The following STXBP3 variants were observed in gnomAD, a reference collection of about 807,000 sequenced individuals.
STXBP3 encodes syntaxin-binding protein 3.
STXBP3 carries 41 observed loss-of-function variants against 85.7 expected under a neutral mutation model. That is an observed-to-expected ratio of 0.48 (90% confidence interval 0.37 to 0.62). The LOEUF (loss-of-function observed/expected upper bound fraction) is 0.62, where lower values mean the gene tolerates loss of function less well. Among genes scored for constraint, STXBP3 ranks in the 20% least tolerant of loss-of-function variants. The pLI is 0.00. For missense variants in STXBP3, 563 were observed against 703.1 expected (o/e 0.80, Z 2.25); for synonymous variants, 229 against 231.7 (o/e 0.99, Z 0.10).
intron 8 of STXBP3, among the ~76,000 whole-genome samples, chr1:108,777,893 A>T (rs1018021530): frequency 6.6e-6 from 1 of 152,156 alleles, no homozygotes; most frequent in African/African-American, 2.4e-5. Context: ...GAAGATTCAT[A>T]GCTCATATTT....
intron 6 of STXBP3, among the ~76,000 whole-genome samples, chr1:108,763,765 A>G: frequency 6.6e-6 from 1 of 150,524 alleles, no homozygotes; most frequent in African/African-American, 2.5e-5. Context: ...TTTTTTTAGT[A>G]GAGATGGGGT....
At chr1:108,749,905 A>G (rs1420027692) in intron 1 of STXBP3, among the ~76,000 whole-genome samples, 2 of 152,192 alleles carry the variant, frequency 1.3e-5, no homozygotes, top group African/African-American at 2.4e-5. Flanking sequence ...TAAAATTAAT[A>G]TATTATATTT....
In STXBP3 at chr1:108,792,921, G is replaced by C. The variant is rs80228116; in HGVS notation, c.964-661G>C. On this transcript the variant is annotated intron_variant, in intron 11 of 18. Coordinates refer to ENST00000370008, the MANE Select transcript of STXBP3 (RefSeq NM_007269.4). ...CACTTAGGTCTCTTTACTTTGTCTA[G>C]ATCAGGAGATGCTAGTATATTCTTA... Among the ~76,000 whole-genome samples the C allele has an allele frequency of 7.5e-3, 1,141 of 152,258 alleles. 13 individuals carry two copies. Among genetic ancestry groups the C allele is most frequent in the African/African-American group, 0.026 (1,091 of 41,558 alleles).
At chr1:108,791,948 C>T (rs1285399432) in intron 11 of STXBP3, among the ~76,000 whole-genome samples, 2 of 152,174 alleles carry the variant, frequency 1.3e-5, no homozygotes, top group Non-Finnish European at 2.9e-5. Context: ...TTCATTCATG[C>T]TGCATGCAAG....
At position 108,796,265 on chromosome 1, in the gene STXBP3, A is replaced by G. The variant is rs748589173; in HGVS notation, c.1142A>G (p.Gln381Arg). 7.4e-6 allele frequency: 12 copies of G among 1,613,638 alleles called. No homozygotes were observed. The highest frequency in any genetic ancestry group is 1.0e-5 in the Non-Finnish European group (12 of 1,179,776). Residue 381 changes from glutamine to arginine, a missense_variant, in exon 14 of 19, where the codon CAG (glutamine) becomes CGG (arginine). Gln to Arg is a conservative substitution (Grantham distance 43, BLOSUM62 1). Around this residue, in one of 3 missense-constraint regions of STXBP3, gnomAD observed 494 missense variants for 592.8 expected, o/e 0.83. Coordinates refer to ENST00000370008, the MANE Select transcript of STXBP3 (RefSeq NM_007269.4). ...GCACTTGGAACTGATGCAGAAGGAC[A>G]GAAGGTGAAAGATTCCATGCGAGTA... The part of the protein sequence containing the change: ...DLALGTDAEG[Q>R]KVKDSMRVLL...
chr1:108,796,765 G>C (rs914452786), intron 15 of STXBP3, 39 bp downstream of exon 15: 1 of 1,502,106 alleles, frequency 6.7e-7, no homozygotes, highest in African/African-American at 1.4e-5. Flanking sequence ...TTATATGTAT[G>C]TGTATGTATG....
chr1:108,800,351 T>G (rs373066432), intron 17 of STXBP3, 46 bp downstream of exon 17: 47 of 1,418,802 alleles, frequency 3.3e-5, no homozygotes, highest in Non-Finnish European at 4.6e-5. Context: ...TTCTACGGAC[T>G]AATAATTTAA....
intron 8 of STXBP3, among the ~76,000 whole-genome samples, chr1:108,778,051 T>C (rs1353877351): frequency 1.3e-5 from 2 of 152,160 alleles, no homozygotes; most frequent in African/African-American, 4.8e-5. Flanking sequence ...AAACTTGTAC[T>C]GCAAGATGTG....
intron 13 of STXBP3, 31 bp downstream of exon 13, chr1:108,794,938 A>T (rs201689618): frequency 6.4e-7 from 1 of 1,557,852 alleles, no homozygotes; most frequent in Non-Finnish European, 8.7e-7. Flanking sequence ...GCCTCTGTTC[A>T]TAACAAATTT....
At chr1:108,806,189 C>G (rs2101140362) in intron 17 of STXBP3, among the ~76,000 whole-genome samples, 1 of 152,206 alleles carries the variant, frequency 6.6e-6, no homozygotes, top group Admixed American at 6.5e-5. Context: ...TTCCTATGCT[C>G]TAGAGCAGTG....
intron 17 of STXBP3, 83 bp downstream of exon 17, chr1:108,800,388 CA>C (rs1256013445): frequency 9.5e-7 from 1 of 1,048,358 alleles, no homozygotes; most frequent in Admixed American, 2.1e-5. Flanking sequence ...TCATATTTGG[CA>C]ACTTTCTTTC....
intron 6 of STXBP3, among the ~76,000 whole-genome samples, chr1:108,763,905 G>A (rs1220750825): frequency 6.6e-6 from 1 of 151,976 alleles, no homozygotes; most frequent in East Asian, 1.9e-4. Context: ...TTAACTTTTA[G>A]GTTTGGAGTA....
chr1:108,760,746 G>A (rs1313737237), intron 6 of STXBP3, among the ~76,000 whole-genome samples: 3 of 152,168 alleles, frequency 2.0e-5, no homozygotes, highest in East Asian at 1.9e-4. Flanking sequence ...GTTAAGGTTT[G>A]TTTTGCTCTG....
chr1:108,755,001 C>A (rs573768179), intron 3 of STXBP3, among the ~76,000 whole-genome samples: 3 of 152,150 alleles, frequency 2.0e-5, no homozygotes, highest in African/African-American at 7.2e-5. Flanking sequence ...TGGGCACTGG[C>A]AGGTTCAGCA....
At chr1:108,800,141 T>TG in intron 16 of STXBP3, 79 bp from the exon 17 acceptor site, 1 of 961,036 alleles carries the variant, frequency 1.0e-6, no homozygotes, top group Non-Finnish European at 1.7e-6. Flanking sequence ...CAATTGCAAA[T>TG]GCAAGTTTTG....
chr1:108,807,316 A>C (rs1199305676), intron 17 of STXBP3, 85 bp from the exon 18 acceptor site: 8 of 1,181,674 alleles, frequency 6.8e-6, no homozygotes, highest in Non-Finnish European at 9.2e-6. Context: ...AGTTTGGTTG[A>C]GTTAGGCTTT....
chr1:108,779,263 A>G, intron 8 of STXBP3, 23 bp from the exon 9 acceptor site: 1 of 1,603,250 alleles, frequency 6.2e-7, no homozygotes, highest in Non-Finnish European at 8.5e-7. Flanking sequence ...GCTGCTTAAG[A>G]TGATTTTATC....
intron 8 of STXBP3, among the ~76,000 whole-genome samples, chr1:108,778,084 G>A (rs1484815361): frequency 1.3e-5 from 2 of 152,086 alleles, no homozygotes; most frequent in African/African-American, 4.8e-5. Flanking sequence ...CTCAGATTCA[G>A]ACCTAGCTGA....
At chr1:108,769,015 A>T (rs904637031) in intron 6 of STXBP3, among the ~76,000 whole-genome samples, 1 of 152,312 alleles carries the variant, frequency 6.6e-6, no homozygotes, top group South Asian at 2.1e-4. Context: ...TATAATTTTA[A>T]ACTCGCCAAA....
Sources: allele counts gnomAD v4.1 joint callset (sites outside exome capture counted in the v4.1 genomes callset), GRCh38; gene constraint gnomAD v4.1.1; regional missense constraint gnomAD v4.1.1; transcripts MANE v1.5; gene names NCBI Gene and HGNC (gene_info 2026-07-23, HGNC 2026-07-21).